Variants in TLK1 observed in about 807,000 individuals in gnomAD.
The protein encoded by TLK1 is serine/threonine-protein kinase tousled-like 1.
A neutral mutation model predicts 105.3 loss-of-function variants in TLK1; 24 were observed. That is an observed-to-expected ratio of 0.23 (90% confidence interval 0.17 to 0.32). The LOEUF is 0.32. Ranked by LOEUF, TLK1 falls within the 10% of genes least tolerant of loss-of-function variation. The pLI is 1.00. For missense variants in TLK1, 558 were observed against 910.5 expected, an observed-to-expected ratio of 0.61 and a Z score of 4.98; for synonymous variants, 321 against 310.4, an observed-to-expected ratio of 1.03 and a Z score of -0.36.
At chr2:171,213,211 CT>C (rs540558932) in intron 1 of TLK1, among the ~76,000 whole-genome samples, 27,221 of 146,282 alleles carry the variant, frequency 0.19, 2,518 homozygotes, top group South Asian at 0.26. Flanking sequence ...CTTTTCTTTT[CT>C]TTTTTTTTTT....
At chr2:171,125,790 G>T (rs752595845) in intron 1 of TLK1, among the ~76,000 whole-genome samples, 1 of 152,074 alleles carries the variant, frequency 6.6e-6, no homozygotes, top group Non-Finnish European at 1.5e-5. Context: ...GTTCTTTAGC[G>T]GTGATTTCTG....
intron 1 of TLK1, among the ~76,000 whole-genome samples, chr2:171,174,422 G>A (rs1692783326): frequency 6.6e-6 from 1 of 152,034 alleles, no homozygotes; most frequent in Non-Finnish European, 1.5e-5. Context: ...TAATCATGGG[G>A]TACACTAATT....
intron 1 of TLK1, among the ~76,000 whole-genome samples, chr2:171,121,164 T>A (rs1478218439): frequency 1.3e-5 from 2 of 152,162 alleles, no homozygotes; most frequent in African/African-American, 4.8e-5. Context: ...TAGCACAGTA[T>A]GAATGTACTT....
chr2:171,200,188 A>C (rs1025440375), intron 1 of TLK1, among the ~76,000 whole-genome samples: 8 of 152,200 alleles, frequency 5.3e-5, no homozygotes, highest in African/African-American at 1.7e-4. Context: ...TGGCGTTTCC[A>C]CTTTCCCCTC....
rs542038498 is a variant in TLK1, at chr2:171,039,811, C to T, written c.1169+6363G>A. Among the ~76,000 whole-genome samples, 20 of 152,176 alleles carry T rather than the reference C, an allele frequency of 1.3e-4. No homozygotes were observed. The Middle Eastern group carries it at 0.014, about 104-fold the overall frequency. On this transcript the variant is annotated intron_variant, in intron 11 of 20. Transcript: ENST00000431350. The stretch of plus-strand genomic sequence containing the variant: ...AAAATTCTAAAACCAGTAAAGATAT[C>T]CAAAGAGGGCAAAATAATTTTCAGA...
At chr2:171,072,878 G>A (rs1688325856) in intron 3 of TLK1, among the ~76,000 whole-genome samples, 1 of 147,852 alleles carries the variant, frequency 6.8e-6, no homozygotes, top group East Asian at 2.0e-4. Flanking sequence ...GCAGTGAGCT[G>A]AGATTGTGCC....
At chr2:171,100,650 G>A (rs755387408) in intron 2 of TLK1, among the ~76,000 whole-genome samples, 1 of 152,024 alleles carries the variant, frequency 6.6e-6, no homozygotes, top group Non-Finnish European at 1.5e-5. Flanking sequence ...ATGAATACAG[G>A]CTATAATTTA....
intron 2 of TLK1, among the ~76,000 whole-genome samples, chr2:171,111,893 A>G (rs1181152359): frequency 2.0e-5 from 3 of 152,224 alleles, no homozygotes; most frequent in Non-Finnish European, 2.9e-5. Flanking sequence ...CTTAAAGCAT[A>G]TATGTAAAAA....
At chr2:171,084,596 A>T (rs1449484254) in intron 2 of TLK1, among the ~76,000 whole-genome samples, 2 of 152,242 alleles carry the variant, frequency 1.3e-5, no homozygotes, top group Non-Finnish European at 2.9e-5. Context: ...ATCCAATTTC[A>T]CATGAAAGTA....
At chr2:171,013,518 C>T (rs999611882) in intron 13 of TLK1, among the ~76,000 whole-genome samples, 1 of 151,602 alleles carries the variant, frequency 6.6e-6, no homozygotes, top group Non-Finnish European at 1.5e-5. Context: ...CTTGCTGAGG[C>T]TCGTTTTTGA....
chr2:171,015,291 A>T (rs1214996273), intron 12 of TLK1, among the ~76,000 whole-genome samples: 1 of 96,842 alleles, frequency 1.0e-5, no homozygotes, highest in African/African-American at 3.0e-5. Flanking sequence ...TGCAAATTTT[A>T]ATTTAAGAAG....
chr2:171,066,600 T>C (rs1019980702), intron 3 of TLK1, among the ~76,000 whole-genome samples: 1 of 152,244 alleles, frequency 6.6e-6, no homozygotes. Flanking sequence ...TAACTTGACA[T>C]CCTCACATTG....
chr2:171,037,476 G>A lies in TLK1; in HGVS notation c.1169+8698C>T, dbSNP rs377466340. Among the ~76,000 whole-genome samples, 16 of 149,534 alleles carry A rather than the reference G, an allele frequency of 1.1e-4. No individual in the cohort carries two copies. The East Asian group carries it at 2.9e-3, about 27-fold the overall frequency. On this transcript the variant is annotated intron_variant, in intron 11 of 20. Transcript: ENST00000431350. Reference sequence around the variant, plus strand: ...AAAAAACAGAGGCATGATGACCCAAGAGTACAGCATGGAGATACTCAAGCA... The same window carrying A: ...AAAAAACAGAGGCATGATGACCCAAAAGTACAGCATGGAGATACTCAAGCA...
At chr2:171,187,647 C>T (rs927115178) in intron 1 of TLK1, among the ~76,000 whole-genome samples, 3 of 152,142 alleles carry the variant, frequency 2.0e-5, no homozygotes, top group Non-Finnish European at 4.4e-5. Flanking sequence ...TTCCTCCAAA[C>T]ATGATTTTTT....
chr2:171,016,246 A>G (rs920530518), intron 12 of TLK1, among the ~76,000 whole-genome samples: 7 of 152,144 alleles, frequency 4.6e-5, no homozygotes, highest in African/African-American at 1.7e-4. Flanking sequence ...AGCTCAAGCA[A>G]TCCTCCTGCC....
At chr2:171,018,294 G>C (rs754922597) in intron 12 of TLK1, among the ~76,000 whole-genome samples, 2 of 152,322 alleles carry the variant, frequency 1.3e-5, no homozygotes, top group Non-Finnish European at 2.9e-5. Flanking sequence ...GCCTGATCTT[G>C]TCATGGACTT....
chr2:171,164,952 C>T (rs113403737), upstream of TLK1, among the ~76,000 whole-genome samples: 5,183 of 152,048 alleles, frequency 0.034, 290 homozygotes, highest in African/African-American at 0.12. Flanking sequence ...GAGACCCCAC[C>T]TCTATCTAAA....
At chr2:171,196,692 T>C (rs1693282040) in intron 1 of TLK1, among the ~76,000 whole-genome samples, 1 of 152,166 alleles carries the variant, frequency 6.6e-6, no homozygotes, top group Non-Finnish European at 1.5e-5. Flanking sequence ...CTAAGCAGTT[T>C]GCAAGGGAAA....
intron 1 of TLK1, among the ~76,000 whole-genome samples, chr2:171,228,230 A>C (rs1693935676): frequency 6.6e-6 from 1 of 152,192 alleles, no homozygotes; most frequent in Non-Finnish European, 1.5e-5. Context: ...AATAGGCTGT[A>C]GGCCAGGGAC....
Sources: gnomAD v4.1 joint callset for allele counts (sites outside exome capture counted in the v4.1 genomes callset) on GRCh38, gnomAD v4.1.1 for gene constraint, MANE v1.5 for transcripts, NCBI Gene and HGNC (gene_info 2026-07-23, HGNC 2026-07-21) for gene names.